Variants in NRG2 observed in about 807,000 individuals in gnomAD.
NRG2 encodes neuregulin 2.
NRG2 carries 27 observed loss-of-function variants against 73.9 expected under a neutral mutation model. The observed-to-expected ratio is 0.37, with a 90% CI of 0.27 to 0.50. The LOEUF (loss-of-function observed/expected upper bound fraction) is 0.50. Ranked by LOEUF, NRG2 falls within the 20% of genes least tolerant of loss-of-function variation. The pLI is 0.96. For missense variants in NRG2, 1,126 were observed against 1,210.1 expected (o/e 0.93, Z 1.03); for synonymous variants, 532 against 541.0 (o/e 0.98, Z 0.23).
Position 139,851,639 on chromosome 5 carries a change from G to A in NRG2, c.1737C>T (p.Ser579=), listed in dbSNP as rs774248628. ...GTGGGGAGTCGCGAAGGGAGTCCAC[G>A]GAATCGTGATAGGGTGGCGCGGTGG... The part of the protein sequence containing the change: ...RRATAPPYHD[S]VDSLRDSPHS... Residue 579 remains serine, a synonymous_variant, in exon 9 of 10, where the codon TCC becomes TCT. Transcript: ENST00000361474. This position sits in a 1 kb window ranked among gnomAD's most constrained non-coding sequence, Gnocchi z 4.2. 42 of 1,613,978 alleles carry A rather than the reference G, an allele frequency of 2.6e-5. No individual in the cohort carries two copies. Among genetic ancestry groups the A allele is most frequent in the South Asian group, 8.8e-5 (8 of 91,080 alleles).
At chr5:140,018,683 T>C (rs879315703) in intron 1 of NRG2, among the ~76,000 whole-genome samples, 4 of 152,170 alleles carry the variant, frequency 2.6e-5, no homozygotes, top group Admixed American at 2.6e-4. Flanking sequence ...AACAAGCGCA[T>C]GCCAAGGTGC....
At chr5:139,987,367 CAAAAAAAAAAAAA>C (rs34895532) in intron 1 of NRG2, among the ~76,000 whole-genome samples, 3 of 33,238 alleles carry the variant, frequency 9.0e-5, no homozygotes, top group African/African-American at 1.3e-4. Context: ...GACTCTGTCT[CAAAAAAAAAAAAA>C]AAAAAAAAAA....
intron 1 of NRG2, among the ~76,000 whole-genome samples, chr5:139,902,908 T>G (rs987229538): frequency 2.0e-5 from 3 of 152,204 alleles, no homozygotes; most frequent in African/African-American, 7.2e-5. Context: ...GACACACTTG[T>G]CTGGCAGAAA....
intron 1 of NRG2, among the ~76,000 whole-genome samples, chr5:139,952,801 G>A (rs534480282): frequency 1.3e-3 from 192 of 152,226 alleles, no homozygotes; most frequent in Non-Finnish European, 2.1e-3. Context: ...ATGTGCGCAC[G>A]TGTGTATGTG....
In NRG2 at chr5:139,848,492, G is replaced by GCCCGGC. The variant is rs1761178271; in HGVS notation, c.1977_1978insGCCGGG (p.Gly659_Pro660insAlaGly). 8.7e-7 allele frequency: 1 copy of GCCCGGC among 1,151,884 alleles called. No homozygotes were observed. Among genetic ancestry groups the GCCCGGC allele is most frequent in the Non-Finnish European group, 1.1e-6 (1 of 926,408 alleles). 71.4% of individuals were successfully genotyped at this position (1,151,884 alleles called of 1,614,324 possible). The stretch of plus-strand genomic sequence containing the variant: ...GCGCCGGGCCCGGGCCCGGGCCCGG[G>GCCCGGC]TCCGGGTCCCGGGCCGGGGGGCGCC... On this transcript the variant is annotated inframe_insertion, in exon 10 of 10. Coordinates refer to ENST00000361474, the MANE Select transcript of NRG2 (RefSeq NM_004883.3).
chr5:139,926,524 G>A (rs993229667), intron 1 of NRG2, among the ~76,000 whole-genome samples: 3 of 152,172 alleles, frequency 2.0e-5, no homozygotes, highest in Non-Finnish European at 4.4e-5. Flanking sequence ...GAGTGATGAT[G>A]CTATGCTTAT....
At chr5:140,008,000 AG>A (rs1038064141) in intron 1 of NRG2, among the ~76,000 whole-genome samples, 64 of 152,194 alleles carry the variant, frequency 4.2e-4, no homozygotes, top group African/African-American at 1.5e-3. Context: ...CTCAGTCACC[AG>A]GAAGTCTGAT....
At chr5:140,012,820 T>A (rs991813915) in intron 1 of NRG2, among the ~76,000 whole-genome samples, 3 of 152,264 alleles carry the variant, frequency 2.0e-5, no homozygotes, top group African/African-American at 7.2e-5. Context: ...ATAATAATTC[T>A]ATTTCTTCAT....
intron 1 of NRG2, among the ~76,000 whole-genome samples, chr5:140,026,461 C>T (rs1447935682): frequency 1.3e-5 from 2 of 152,048 alleles, no homozygotes; most frequent in Non-Finnish European, 2.9e-5. Context: ...AGAAGCCAGG[C>T]ACAGTGGCAC....
chr5:139,938,755 G>T (rs1312306365), intron 1 of NRG2, among the ~76,000 whole-genome samples: 1 of 150,262 alleles, frequency 6.7e-6, no homozygotes, highest in Non-Finnish European at 1.5e-5. Flanking sequence ...TGTTGACAAA[G>T]GTTTTAAGGC....
chr5:139,957,146 G>A (rs963402182), intron 1 of NRG2, among the ~76,000 whole-genome samples: 4 of 152,070 alleles, frequency 2.6e-5, no homozygotes, highest in Non-Finnish European at 4.4e-5. Context: ...CCATGCTCCT[G>A]CCTGCACACC....
intron 1 of NRG2, among the ~76,000 whole-genome samples, chr5:139,903,276 G>T (rs1334248573): frequency 1.3e-5 from 2 of 152,134 alleles, no homozygotes; most frequent in Admixed American, 1.3e-4. Context: ...TCTCTGGAAC[G>T]TACTTCGTTA....
intron 1 of NRG2, among the ~76,000 whole-genome samples, chr5:139,899,879 AAG>A (rs1422941550): frequency 6.6e-6 from 1 of 152,172 alleles, no homozygotes; most frequent in Non-Finnish European, 1.5e-5. Flanking sequence ...ACTTGAACTT[AAG>A]ATCTCATCCT....
chr5:140,013,502 C>T (rs1348732570), intron 1 of NRG2, among the ~76,000 whole-genome samples: 2 of 152,166 alleles, frequency 1.3e-5, no homozygotes, highest in Admixed American at 6.5e-5. Flanking sequence ...GAACTGCACA[C>T]TTAAAATGGT....
chr5:140,031,840 T>C (rs1229424185), intron 1 of NRG2, among the ~76,000 whole-genome samples: 1 of 152,044 alleles, frequency 6.6e-6, no homozygotes, highest in Non-Finnish European at 1.5e-5. Flanking sequence ...TGAAAGGTGG[T>C]GTCTAACAGT....
intron 1 of NRG2, among the ~76,000 whole-genome samples, chr5:140,025,366 G>A (rs1760603019): frequency 6.6e-6 from 1 of 152,176 alleles, no homozygotes; most frequent in African/African-American, 2.4e-5. Flanking sequence ...CAGCTTTCCA[G>A]GCTATGTTCC....
At chr5:139,890,963 C>A (rs1050788133) in intron 1 of NRG2, among the ~76,000 whole-genome samples, 110 of 152,282 alleles carry the variant, frequency 7.2e-4, no homozygotes, top group African/African-American at 2.6e-3. Flanking sequence ...TCCAACTAGT[C>A]CCTTCTCCTT....
chr5:139,894,388 CT>C lies in NRG2; in HGVS notation c.701-6878del, dbSNP rs1764423996. 6.6e-6 allele frequency among the ~76,000 whole-genome samples: 1 copy of C among 152,006 alleles called. No individual in the cohort carries two copies. The highest frequency in any genetic ancestry group is 2.4e-5 in the African/African-American group (1 of 41,418). ...CTGCAGGCCAGCCCCCTTCCCACCC[CT>C]GTCCCACCCACAAAGTGACTGCAAC... On this transcript the variant is annotated intron_variant, in intron 1 of 9. Coordinates refer to ENST00000361474, the MANE Select transcript of NRG2 (RefSeq NM_004883.3). The surrounding 1 kb of genome is among the most constrained non-coding windows in gnomAD (Gnocchi z 5.0).
At chr5:139,967,973 A>AC in intron 1 of NRG2, among the ~76,000 whole-genome samples, 1 of 132,936 alleles carries the variant, frequency 7.5e-6, no homozygotes, top group Non-Finnish European at 1.6e-5. Flanking sequence ...AATAAAACAT[A>AC]AAAATAAATA....
Sources: gnomAD v4.1 joint callset for allele counts (sites outside exome capture counted in the v4.1 genomes callset) on GRCh38, gnomAD v4.1.1 for gene constraint, Gnocchi (gnomAD v3.1) non-coding constraint, MANE v1.5 for transcripts, NCBI Gene and HGNC (gene_info 2026-07-23, HGNC 2026-07-21) for gene names.